STK39: variants seen among roughly 807,000 people sequenced by gnomAD.
STK39 encodes STE20/SPS1-related proline-alanine-rich protein kinase.
Under a neutral mutation model 77.8 loss-of-function variants are expected in STK39, and 20 were observed. The ratio of observed to expected loss-of-function variants is 0.26; its 90% CI spans 0.18 to 0.37. The LOEUF (loss-of-function observed/expected upper bound fraction) is 0.37, where lower values mean the gene tolerates loss of function less well. STK39 is among the 10% of genes least tolerant of loss of function. The pLI is 1.00. For synonymous variants in STK39, 246 were observed against 234.1 expected (o/e 1.05, Z -0.47); for missense variants, 479 against 656.5 (o/e 0.73, Z 2.95).
At chr2:168,229,738 C>T (rs751970225) in intron 1 of STK39, among the ~76,000 whole-genome samples, 2 of 152,180 alleles carry the variant, frequency 1.3e-5, no homozygotes, top group Non-Finnish European at 2.9e-5. Flanking sequence ...GAAACAAATA[C>T]ATATGCATGC....
At chr2:168,188,882 CT>C (rs1689271805) in intron 1 of STK39, among the ~76,000 whole-genome samples, 1 of 152,164 alleles carries the variant, frequency 6.6e-6, no homozygotes, top group South Asian at 2.1e-4. Context: ...GCTGGCCTGT[CT>C]GGATAACAGT....
chr2:168,010,430 C>T (rs1237140034), intron 16 of STK39, among the ~76,000 whole-genome samples: 1 of 152,106 alleles, frequency 6.6e-6, no homozygotes, highest in African/African-American at 2.4e-5. Context: ...AAAGTAGACC[C>T]CAAAGTTGAA....
At chr2:168,010,500 G>T (rs916150050) in intron 16 of STK39, among the ~76,000 whole-genome samples, 1 of 149,326 alleles carries the variant, frequency 6.7e-6, no homozygotes, top group African/African-American at 2.4e-5. Context: ...CGAGAACTTA[G>T]CTGGCCTTAA....
chr2:168,023,620 G>T (rs1028279767), intron 14 of STK39, among the ~76,000 whole-genome samples: 1 of 152,044 alleles, frequency 6.6e-6, no homozygotes, highest in Non-Finnish European at 1.5e-5. Context: ...TCACATTACC[G>T]TCTCTTAGCC....
At chr2:168,019,504 G>A (rs1400608342) in intron 14 of STK39, among the ~76,000 whole-genome samples, 2 of 152,058 alleles carry the variant, frequency 1.3e-5, no homozygotes, top group African/African-American at 4.8e-5. Flanking sequence ...GTACCCTTGC[G>A]AAGATATGGA....
At chr2:167,998,164 AC>A (rs1683897172) in intron 16 of STK39, among the ~76,000 whole-genome samples, 1 of 152,248 alleles carries the variant, frequency 6.6e-6, no homozygotes. Flanking sequence ...CAATGCATAA[AC>A]ACTCCCACTC....
At chr2:168,008,212 CA>C (rs1684180755) in intron 16 of STK39, among the ~76,000 whole-genome samples, 2 of 152,218 alleles carry the variant, frequency 1.3e-5, no homozygotes, top group South Asian at 4.2e-4. Flanking sequence ...TGAAGGGAGG[CA>C]AGTACAGAAG....
At chr2:168,100,499 A>G (rs1686794249) in intron 10 of STK39, among the ~76,000 whole-genome samples, 1 of 152,182 alleles carries the variant, frequency 6.6e-6, no homozygotes. Flanking sequence ...CCTGGGCTCA[A>G]GCGATCCTCC....
In STK39 at chr2:168,078,494, C is replaced by T. The variant is rs540110928; in HGVS notation, c.1090-3263G>A. Among the ~76,000 whole-genome samples the T allele has an allele frequency of 2.0e-5, 3 of 152,226 alleles. No homozygotes were observed. The South Asian group carries it at 6.2e-4, about 32-fold the overall frequency. Reference sequence around the variant, plus strand: ...TGCATCTCTAAACAGGAGCTGTCTGCAAATCTGCAAATACAGTTGTACCGT... The same window carrying T: ...TGCATCTCTAAACAGGAGCTGTCTGTAAATCTGCAAATACAGTTGTACCGT... On this transcript the variant is annotated intron_variant, in intron 10 of 17. Transcript: ENST00000355999.
intron 14 of STK39, among the ~76,000 whole-genome samples, chr2:168,060,855 CAG>C (rs1378500551): frequency 6.6e-6 from 1 of 151,354 alleles, no homozygotes; most frequent in East Asian, 1.9e-4. Context: ...GTCACTCCGA[CAG>C]TGAATGGTTT....
chr2:168,070,809 T>C, intron 12 of STK39, among the ~76,000 whole-genome samples: 1 of 152,132 alleles, frequency 6.6e-6, no homozygotes, highest in East Asian at 1.9e-4. Context: ...ATTTCTAAAA[T>C]ATCAGGTTAG....
rs2105689792 is a variant in STK39, at chr2:168,208,066, G to A, written c.209-25976C>T. Among the ~76,000 whole-genome samples, 3 of 152,294 alleles carry A rather than the reference G, an allele frequency of 2.0e-5. No homozygotes were observed. The Middle Eastern group carries it at 0.01, about 518-fold the overall frequency. The stretch of plus-strand genomic sequence containing the variant: ...TTCTCCGGAGATGTTCTGGGGATAG[G>A]AGCAGAAATATGGTCATACATTCCA... On this transcript the variant is annotated intron_variant, in intron 1 of 17. Transcript: ENST00000355999.
intron 14 of STK39, among the ~76,000 whole-genome samples, chr2:168,048,002 G>A (rs993336202): frequency 2.0e-5 from 3 of 152,142 alleles, no homozygotes; most frequent in African/African-American, 2.4e-5. Context: ...ACCAGACGAC[G>A]GCACAGAGTT....
intron 1 of STK39, among the ~76,000 whole-genome samples, chr2:168,230,801 GA>G (rs755012060): frequency 1.3e-5 from 2 of 152,238 alleles, no homozygotes; most frequent in African/African-American, 2.4e-5. Flanking sequence ...CCCTTGCCTT[GA>G]CCCCTTGTCA....
At chr2:168,000,278 GA>G (rs917946442) in intron 16 of STK39, among the ~76,000 whole-genome samples, 15 of 152,016 alleles carry the variant, frequency 9.9e-5, no homozygotes, top group Admixed American at 7.2e-4. Context: ...AGTTCATCAT[GA>G]AAAAAATATC....
In STK39 at chr2:168,189,534, T is replaced by C. The variant is rs1689287523; in HGVS notation, c.209-7444A>G. 2.0e-5 allele frequency among the ~76,000 whole-genome samples: 3 copies of C among 152,166 alleles called. No individual in the cohort carries two copies. The South Asian group carries it at 6.2e-4, about 32-fold the overall frequency. ...TACAAATTGTAATAACTTTCAATGA[T>C]AATGAAAATTATTATTAGGGAGTCT... On this transcript the variant is annotated intron_variant, in intron 1 of 17. Coordinates refer to ENST00000355999, the MANE Select transcript of STK39 (RefSeq NM_013233.3).
intron 1 of STK39, among the ~76,000 whole-genome samples, chr2:168,238,917 G>A (rs574838187): frequency 5.9e-5 from 9 of 152,164 alleles, no homozygotes; most frequent in East Asian, 1.9e-4. Flanking sequence ...AGAGGAAAAC[G>A]TATGACTTCA....
chr2:168,042,267 T>C (rs1042474804), intron 14 of STK39, among the ~76,000 whole-genome samples: 4 of 152,232 alleles, frequency 2.6e-5, no homozygotes, highest in Admixed American at 2.0e-4. Flanking sequence ...AAGGTAAAAA[T>C]AAATCATTCA....
intron 1 of STK39, among the ~76,000 whole-genome samples, chr2:168,226,756 G>A (rs1031170048): frequency 3.3e-5 from 5 of 151,992 alleles, no homozygotes; most frequent in Admixed American, 6.6e-5. Context: ...GAGCAAATAA[G>A]CTAGCATTTA....
Sources: gnomAD v4.1 joint callset for allele counts (sites outside exome capture counted in the v4.1 genomes callset) on GRCh38, gnomAD v4.1.1 for gene constraint, MANE v1.5 for transcripts, NCBI Gene and HGNC (gene_info 2026-07-23, HGNC 2026-07-21) for gene names.